PLXNB2: variants seen among roughly 807,000 people sequenced by gnomAD.
PLXNB2 encodes the protein plexin B2, also known as plexin-B2.
A neutral mutation model predicts 202.6 loss-of-function variants in PLXNB2; 85 were observed. That is an observed-to-expected ratio of 0.42 (90% CI 0.35 to 0.50). The LOEUF (loss-of-function observed/expected upper bound fraction) is 0.50. Among genes scored for constraint, PLXNB2 ranks in the 20% least tolerant of loss-of-function variants. PLXNB2 has a pLI of 0.02. For missense variants in PLXNB2, 2,063 were observed against 2,586.2 expected, an observed-to-expected ratio of 0.80 and a Z score of 4.39; for synonymous variants, 1,239 against 1,137.6, an observed-to-expected ratio of 1.09 and a Z score of -1.79.
At chr22:50,305,384 C>T (rs1483586674) in intron 1 of PLXNB2, among the ~76,000 whole-genome samples, 2 of 152,228 alleles carry the variant, frequency 1.3e-5, no homozygotes, top group Non-Finnish European at 2.9e-5. Flanking sequence ...TGCAGGCCGC[C>T]GGGCACACAC....
chr22:50,299,713 C>G (rs2067546325), intron 1 of PLXNB2, among the ~76,000 whole-genome samples: 1 of 152,084 alleles, frequency 6.6e-6, no homozygotes, highest in Non-Finnish European at 1.5e-5. Flanking sequence ...GCGGGAGACC[C>G]GGCGAGGGCG....
Position 50,275,520 on chromosome 22 carries a change from G to A in PLXNB2, c.*184C>T, listed in dbSNP as rs578247946. The stretch of plus-strand genomic sequence containing the variant: ...GGCTGGTGCTGGTGCGGTGCCCGGC[G>A]GTATTGCTCAGAGGAAGATGCTACA... On this transcript the variant is annotated 3_prime_UTR_variant, in exon 37 of 37. Transcript: ENST00000359337. 6.0e-5 allele frequency: 40 copies of A among 668,004 alleles called. 1 individual carries two copies. Among genetic ancestry groups the A allele is most frequent in the East Asian group, 2.8e-4 (10 of 36,122 alleles). The allele number at this position is 668,004 out of a possible 1,614,324, so 41.4% of individuals were successfully genotyped here. A position where few individuals can be genotyped will look rare whatever the true frequency, so the allele number is the denominator to read the frequency against.
chr22:50,279,853 G>C (rs369081803), intron 26 of PLXNB2, 77 bp from the exon 27 acceptor site: 30 of 1,542,674 alleles, frequency 1.9e-5, no homozygotes, highest in East Asian at 1.8e-4. Context: ...CCTGGCCAGA[G>C]GCATGGACGG....
At chr22:50,290,697 G>A (rs950275661) in intron 2 of PLXNB2, 100 bp from the exon 3 acceptor site, 6 of 1,277,966 alleles carry the variant, frequency 4.7e-6, no homozygotes, top group Non-Finnish European at 6.3e-6. Context: ...TGGGAGAGAG[G>A]GTCACGCCAC....
In PLXNB2 at chr22:50,275,202, G is replaced by A; in HGVS notation, c.*502C>T. On this transcript the variant is annotated 3_prime_UTR_variant, in exon 37 of 37. Coordinates refer to ENST00000359337, the MANE Select transcript of PLXNB2 (RefSeq NM_012401.4). ...CAGCAGCCGTGAGTCCACCCAGAGT[G>A]CCGGCACCCTTGGGGAGGCCGGTGA... is the stretch of plus-strand genomic sequence containing the variant. 3.0e-6 allele frequency: 1 copy of A among 331,210 alleles called. No individual in the cohort carries two copies. Among genetic ancestry groups the A allele is most frequent in the Non-Finnish European group, 6.0e-6 (1 of 167,336 alleles). 20.5% of individuals were successfully genotyped at this position (331,210 alleles called of 1,614,324 possible). A position where few individuals can be genotyped will look rare whatever the true frequency, so the allele number is the denominator to read the frequency against.
chr22:50,278,792 G>A (rs1454624070), intron 28 of PLXNB2, 63 bp downstream of exon 28: 39 of 1,593,062 alleles, frequency 2.4e-5, no homozygotes, highest in South Asian at 1.2e-4. Flanking sequence ...GCAGGATACC[G>A]CCCCAGGACA....
intron 35 of PLXNB2, among the ~76,000 whole-genome samples, chr22:50,276,345 C>G (rs1232241364): frequency 2.7e-5 from 3 of 109,272 alleles, no homozygotes; most frequent in South Asian, 3.3e-4. Flanking sequence ...GCTGTGGGCA[C>G]GGCCGAGGGT....
Position 50,281,501 on chromosome 22 carries a change from T to C in PLXNB2, c.3523-2A>G. 1 of 1,611,078 alleles carries C rather than the reference T, an allele frequency of 6.2e-7. No homozygotes were observed. The highest frequency in any genetic ancestry group is 8.5e-7 in the Non-Finnish European group (1 of 1,179,082). ...CCACTCGCGAGAGCCGAACTTCACCTGTGTGGGGGGCCGGGTTCAGCGCGG... is the reference window on the plus strand; with the variant it reads ...CCACTCGCGAGAGCCGAACTTCACCCGTGTGGGGGGCCGGGTTCAGCGCGG... On this transcript the variant is annotated splice_acceptor_variant, in intron 21 of 36. Transcript: ENST00000359337. LOFTEE classifies it high-confidence loss of function.
At chr22:50,281,541 C>G in intron 21 of PLXNB2, 25 bp downstream of exon 21, 1 of 1,607,822 alleles carries the variant, frequency 6.2e-7, no homozygotes, top group African/African-American at 1.3e-5. Context: ...GTGGGGGCAC[C>G]CCCCGCCAGT....
intron 2 of PLXNB2, among the ~76,000 whole-genome samples, chr22:50,294,302 G>A (rs1472882287): frequency 6.6e-6 from 1 of 152,186 alleles, no homozygotes; most frequent in Admixed American, 6.5e-5. Context: ...GCTGCTGCTG[G>A]GCAGGGAAGC....
Position 50,276,701 on chromosome 22 carries a change from G to A in PLXNB2, c.5265C>T (p.Tyr1755=). Residue 1755 remains tyrosine (Y), a synonymous_variant, in exon 35 of 37, where the codon TAC becomes TAT. Coordinates refer to ENST00000359337, the MANE Select transcript of PLXNB2 (RefSeq NM_012401.4). ...ISTYKKMVED[Y]YKGIRQMVQV... ...GCACCATCTGCCGGATCCCCTTGTA[G>A]TAACTGCAGGGGTGGGAGCATCATA... 6.2e-7 allele frequency: 1 copy of A among 1,613,334 alleles called. No homozygotes were observed.
chr22:50,300,945 C>T (rs888957399), intron 1 of PLXNB2, among the ~76,000 whole-genome samples: 4 of 152,192 alleles, frequency 2.6e-5, no homozygotes, highest in Admixed American at 1.3e-4. Flanking sequence ...GGCCCTCAGG[C>T]ACCCCCTGAG....
chr22:50,301,729 G>A (rs760419048), intron 1 of PLXNB2, among the ~76,000 whole-genome samples: 1 of 152,250 alleles, frequency 6.6e-6, no homozygotes, highest in Non-Finnish European at 1.5e-5. Context: ...GTGGGCGTTG[G>A]GGGGTGGACG....
chr22:50,280,738 G>A lies in PLXNB2; in HGVS notation c.3993+6C>T. 1 of 1,399,708 alleles carries A rather than the reference G, an allele frequency of 7.1e-7. No homozygotes were observed. Among genetic ancestry groups the A allele is most frequent in the Non-Finnish European group, 9.9e-7 (1 of 1,014,260 alleles). The allele number at this position is 1,399,708 out of a possible 1,614,324, so 86.7% of individuals were successfully genotyped here. A position where few individuals can be genotyped will look rare whatever the true frequency, so the allele number is the denominator to read the frequency against. ...TGCCCTCCCGCCCGCCCGACGCCTGGCTCACATTGATGAGGAAAGACTTGC... is the reference window on the plus strand; with the variant it reads ...TGCCCTCCCGCCCGCCCGACGCCTGACTCACATTGATGAGGAAAGACTTGC... On this transcript the variant is annotated splice_donor_region_variant and intron_variant, in intron 24 of 36. Coordinates refer to ENST00000359337, the MANE Select transcript of PLXNB2 (RefSeq NM_012401.4).
In PLXNB2 at chr22:50,297,411, T is replaced by C. The variant is rs2067359226; in HGVS notation, c.-73-2633A>G. ...GCCAGAGGCAAGACCCATACTCCAC[T>C]CTCCTGGAGGAGGCTTTCTGCCGTC... On this transcript the variant is annotated intron_variant, in intron 1 of 36. Transcript: ENST00000359337. The surrounding 1 kb of genome is among the most constrained non-coding windows in gnomAD (Gnocchi z 5.3). 6.6e-6 allele frequency among the ~76,000 whole-genome samples: 1 copy of C among 152,016 alleles called. No individual in the cohort carries two copies. The highest frequency in any genetic ancestry group is 1.5e-5 in the Non-Finnish European group (1 of 67,966).
In PLXNB2 at chr22:50,280,469, G is replaced by A. The variant is rs375274039; in HGVS notation, c.4175+20C>T. The stretch of plus-strand genomic sequence containing the variant: ...GGCCGCCCCGCCCGTGGCCCCGCTC[G>A]TGGCCCCGCCCATGTGCACCTGCGC... On this transcript the variant is annotated intron_variant, in intron 25 of 36. Coordinates refer to ENST00000359337, the MANE Select transcript of PLXNB2 (RefSeq NM_012401.4). 67 of 1,582,534 alleles carry A rather than the reference G, an allele frequency of 4.2e-5. No individual in the cohort carries two copies. The highest frequency in any genetic ancestry group is 4.0e-4 in the African/African-American group (30 of 74,378).
Position 50,283,890 on chromosome 22 carries a change from G to A in PLXNB2, c.2364C>T (p.Cys788=), listed in dbSNP as rs772977518. Residue 788 remains cysteine (C), a synonymous_variant, in exon 14 of 37, where the codon TGC becomes TGT. Coordinates refer to ENST00000359337, the MANE Select transcript of PLXNB2 (RefSeq NM_012401.4). ...RCAWCGGQSR[C]VYEALCNTTS... is the part of the protein sequence containing the mutation. ...TGGTGTTGCACAGGGCCTCATACAC[G>A]CACCTGCTCTGGCCCCCGCACCACG... The A allele has an allele frequency of 3.4e-5, 55 of 1,599,704 alleles. No homozygotes were observed. The highest frequency in any genetic ancestry group is 4.1e-5 in the Non-Finnish European group (48 of 1,173,936).
chr22:50,300,005 A>G (rs28647660), intron 1 of PLXNB2, among the ~76,000 whole-genome samples: 32,668 of 152,022 alleles, frequency 0.21, 7,104 homozygotes, highest in African/African-American at 0.56. Flanking sequence ...CAGGAAGCGC[A>G]GGGACTAGGC....
Position 50,290,744 on chromosome 22 carries a change from T to G in PLXNB2, c.-13-147A>C, listed in dbSNP as rs2066810661. Reference sequence around the variant, plus strand: ...AGGAACCTGGAGCTCCGCCCCTTCCTGCTTCACACCCCCGCCATCCTCGAG... The same window carrying G: ...AGGAACCTGGAGCTCCGCCCCTTCCGGCTTCACACCCCCGCCATCCTCGAG... On this transcript the variant is annotated intron_variant, in intron 2 of 36. Coordinates refer to ENST00000359337, the MANE Select transcript of PLXNB2 (RefSeq NM_012401.4). 16 of 857,474 alleles carry G rather than the reference T, an allele frequency of 1.9e-5. No individual in the cohort carries two copies. The South Asian group carries it at 2.9e-4, about 16-fold the overall frequency. The allele number at this position is 857,474 out of a possible 1,614,324, so 53.1% of individuals were successfully genotyped here. A position where few individuals can be genotyped will look rare whatever the true frequency, so the allele number is the denominator to read the frequency against.
Sources: allele counts gnomAD v4.1 joint callset (sites outside exome capture counted in the v4.1 genomes callset), GRCh38; gene constraint gnomAD v4.1.1; non-coding constraint Gnocchi (gnomAD v3.1); transcripts MANE v1.5; gene names NCBI Gene and HGNC (gene_info 2026-07-23, HGNC 2026-07-21).